Variants in ZC3H4 observed in about 807,000 individuals in gnomAD.
ZC3H4 encodes zinc finger CCCH domain-containing protein 4.
In ZC3H4, 13 loss-of-function variants were observed where a neutral mutation model predicts 108.3. The ratio of observed to expected loss-of-function variants is 0.12; its 90% CI spans 0.08 to 0.19. The LOEUF (loss-of-function observed/expected upper bound fraction) is 0.19. ZC3H4 is among the 10% of genes least tolerant of loss of function. The pLI is 1.00. For missense variants in ZC3H4, 1,734 were observed against 1,838.8 expected (o/e 0.94, Z 1.04); for synonymous variants, 917 against 749.6 (o/e 1.22, Z -3.65).
intron 13 of ZC3H4, among the ~76,000 whole-genome samples, chr19:47,069,574 G>A (rs982335797): frequency 6.6e-6 from 1 of 152,210 alleles, no homozygotes; most frequent in Non-Finnish European, 1.5e-5. Flanking sequence ...AAACGCTTAT[G>A]AGGTGGAAAC....
chr19:47,110,167 G>GA, intron 2 of ZC3H4, among the ~76,000 whole-genome samples: 1 of 152,166 alleles, frequency 6.6e-6, no homozygotes, highest in Non-Finnish European at 1.5e-5. Context: ...AGAGACATTG[G>GA]AGTAAAATGA....
chr19:47,093,215 CAAAAA>C (rs918382221), intron 4 of ZC3H4, among the ~76,000 whole-genome samples: 1 of 48,414 alleles, frequency 2.1e-5, no homozygotes. Context: ...GACTCTGCCT[CAAAAA>C]AAAAAAAAAA....
At position 47,067,762 on chromosome 19, in the gene ZC3H4, C is replaced by A. The variant is rs1330578669; in HGVS notation, c.2506G>T (p.Val836Phe). 3 of 1,609,606 alleles carry A rather than the reference C, an allele frequency of 1.9e-6. No homozygotes were observed. Among genetic ancestry groups the A allele is most frequent in the Admixed American group, 3.4e-5 (2 of 59,614 alleles). The change falls in exon 15 of 15, where the codon GTT becomes TTT. Residue 836 changes from valine to phenylalanine, a missense_variant. Transcript: ENST00000253048. This position sits in a 1 kb window ranked among gnomAD's most constrained non-coding sequence, Gnocchi z 6.4. Reference protein sequence around the residue: ...QQTSSRPPASVGELSSSGLGD... With the variant: ...QQTSSRPPASFGELSSSGLGD... Reference sequence around the variant, plus strand: ...AGCCCACTGCTGCTCAGCTCCCCAACTGAAGCCGGGGGTCGGCTGGACGTC... The same window carrying A: ...AGCCCACTGCTGCTCAGCTCCCCAAATGAAGCCGGGGGTCGGCTGGACGTC...
At chr19:47,080,208 C>T (rs1056898664) in intron 11 of ZC3H4, among the ~76,000 whole-genome samples, 3 of 152,230 alleles carry the variant, frequency 2.0e-5, no homozygotes, top group Non-Finnish European at 4.4e-5. Context: ...TACCCACTCA[C>T]TCCCCAGATG....
chr19:47,107,657 GAAA>G (rs1157842797), intron 2 of ZC3H4, among the ~76,000 whole-genome samples: 2 of 90,262 alleles, frequency 2.2e-5, no homozygotes, highest in Non-Finnish European at 2.5e-5. Context: ...GTTCTGTTAA[GAAA>G]AAAAAAAAAA....
intron 11 of ZC3H4, among the ~76,000 whole-genome samples, chr19:47,073,415 C>CA (rs898849430): frequency 4.6e-5 from 7 of 151,600 alleles, no homozygotes; most frequent in African/African-American, 7.3e-5. Flanking sequence ...ACTAAAAATA[C>CA]AAAAAAAATA....
intron 2 of ZC3H4, among the ~76,000 whole-genome samples, chr19:47,107,107 G>A (rs2057977393): frequency 6.6e-6 from 1 of 152,168 alleles, no homozygotes; most frequent in Non-Finnish European, 1.5e-5. Flanking sequence ...AAAAGACACT[G>A]AGCAAGCAAG....
intron 11 of ZC3H4, among the ~76,000 whole-genome samples, chr19:47,074,574 G>C (rs1473741335): frequency 6.6e-6 from 1 of 152,198 alleles, no homozygotes; most frequent in Non-Finnish European, 1.5e-5. Context: ...CATTTTGGGA[G>C]GGCTCCCAGC....
At chr19:47,076,787 G>A (rs1251109909) in intron 11 of ZC3H4, among the ~76,000 whole-genome samples, 1 of 152,196 alleles carries the variant, frequency 6.6e-6, no homozygotes, top group African/African-American at 2.4e-5. Context: ...GAGGTCAGGA[G>A]TTCGAGACCA....
intron 2 of ZC3H4, among the ~76,000 whole-genome samples, chr19:47,100,326 C>CTAGGTTCA (rs1249120937): frequency 2.6e-5 from 4 of 152,152 alleles, no homozygotes; most frequent in Admixed American, 2.0e-4. Context: ...TCCTTACTAC[C>CTAGGTTCA]TAGGTTCATC....
chr19:47,072,503 G>T lies in ZC3H4; in HGVS notation c.1651C>A (p.Pro551Thr). 7.1e-7 allele frequency: 1 copy of T among 1,410,078 alleles called. No homozygotes were observed. Among genetic ancestry groups the T allele is most frequent in the Non-Finnish European group, 9.6e-7 (1 of 1,041,070 alleles). The allele number at this position is 1,410,078 out of a possible 1,614,324, so 87.3% of individuals were successfully genotyped here. Residue 551 changes from proline (P) to threonine (T), a missense_variant, in exon 12 of 15, where the codon CCG becomes ACG. By Grantham distance (38) the Pro-to-Thr change is conservative (BLOSUM62 -1). This residue lies in a region of ZC3H4 where 75 missense variants were observed against 85.8 expected (regional missense o/e 0.87). Coordinates refer to ENST00000253048, the MANE Select transcript of ZC3H4 (RefSeq NM_015168.2). This position sits in a 1 kb window ranked among gnomAD's most constrained non-coding sequence, Gnocchi z 5.6. ...PPPPPPPPPP[P>T]PGPPQMPMPV... ...ATGGGCATCTGAGGGGGCCCGGGCG[G>T]TGGGGGAGGGGGAGGGGGCGGGGGC...
rs1195204220 is a variant in ZC3H4 at position 47,067,225 on chromosome 19, C to T, written c.3043G>A (p.Ala1015Thr). ...GCGTTGGGGGGCCCTGCCGTGGCAG[C>T]GCGGTGCAGCCGGGGGTCCAGGGTG... ...MPTLDPRLHRAATAGPPNARQ... is the reference protein window; with the variant it reads ...MPTLDPRLHRTATAGPPNARQ... Residue 1015 changes from alanine to threonine, a missense_variant, in exon 15 of 15, where the codon GCT becomes ACT. Transcript: ENST00000253048. The surrounding 1 kb of genome is among the most constrained non-coding windows in gnomAD (Gnocchi z 6.4). 6.2e-6 allele frequency: 10 copies of T among 1,606,932 alleles called. No homozygotes were observed. Among genetic ancestry groups the T allele is most frequent in the Admixed American group, 1.7e-5 (1 of 58,890 alleles).
rs979293606 is a variant in ZC3H4, at chr19:47,112,115, C to T, written c.161+309G>A. ...GCGCCCCCTCCCCAGGACAGGCGGACGGGCGCGGGGGGTCCGAGGGGCGCC... is the reference window on the plus strand; with the variant it reads ...GCGCCCCCTCCCCAGGACAGGCGGATGGGCGCGGGGGGTCCGAGGGGCGCC... On this transcript the variant is annotated intron_variant, in intron 2 of 14. Coordinates refer to ENST00000253048, the MANE Select transcript of ZC3H4 (RefSeq NM_015168.2). The T allele has an allele frequency of 5.0e-4, 528 of 1,062,942 alleles. No homozygotes were observed. In the African/African-American group the frequency reaches 8.2e-3, roughly 16 times the overall value. 65.8% of individuals were successfully genotyped at this position (1,062,942 alleles called of 1,614,324 possible).
chr19:47,101,512 A>G (rs1373173193), intron 2 of ZC3H4, among the ~76,000 whole-genome samples: 1 of 152,116 alleles, frequency 6.6e-6, no homozygotes. Flanking sequence ...TAGAGGCATG[A>G]GCCATTGCAC....
chr19:47,099,342 C>G (rs2057870711), intron 2 of ZC3H4, among the ~76,000 whole-genome samples: 1 of 151,944 alleles, frequency 6.6e-6, no homozygotes, highest in African/African-American at 2.4e-5. Context: ...GCCTGTAAAC[C>G]CAGCTACTCG....
intron 6 of ZC3H4, among the ~76,000 whole-genome samples, chr19:47,085,825 C>T (rs1320428794): frequency 6.6e-6 from 1 of 152,180 alleles, no homozygotes. Flanking sequence ...AAACTTCTCT[C>T]TAGTGATGGG....
At chr19:47,110,814 C>T (rs2058029264) in intron 2 of ZC3H4, 2 of 744,560 alleles carry the variant, frequency 2.7e-6, no homozygotes, top group African/African-American at 1.9e-5. Context: ...GAACTGGAGT[C>T]GGGCTGCGAT....
At position 47,067,602 on chromosome 19, in the gene ZC3H4, T is replaced by C. The variant is rs566908985; in HGVS notation, c.2666A>G (p.Asp889Gly). The change falls in exon 15 of 15, where the codon GAT (aspartate) becomes GGT (glycine). Residue 889 changes from aspartate to glycine, a missense_variant. This residue lies in a region of ZC3H4 where 540 missense variants were observed against 484.1 expected (regional missense o/e 1.12). Coordinates refer to ENST00000253048, the MANE Select transcript of ZC3H4 (RefSeq NM_015168.2). The surrounding 1 kb of genome is among the most constrained non-coding windows in gnomAD (Gnocchi z 6.4). Reference protein sequence around the residue: ...GSGPGDSGPSDPRLARALPTS... With the variant: ...GSGPGDSGPSGPRLARALPTS... ...GGGCAGGGCGCGAGCCAGCCGAGGA[T>C]CGGAGGGTCCCGAATCACCTGGGCC... 2.6e-5 allele frequency: 41 copies of C among 1,606,144 alleles called. No homozygotes were observed. The highest frequency in any genetic ancestry group is 1.7e-4 in the Middle Eastern group (1 of 6,054).
At chr19:47,113,322 A>C (rs2058064578) in intron 1 of ZC3H4, 1 of 153,390 alleles carries the variant, frequency 6.5e-6, no homozygotes. Flanking sequence ...AGGAGCGAGG[A>C]GGCGACGGGG....
Sources: gnomAD v4.1 joint callset for allele counts (sites outside exome capture counted in the v4.1 genomes callset) on GRCh38, gnomAD v4.1.1 for gene constraint, gnomAD v4.1.1 regional missense constraint, Gnocchi (gnomAD v3.1) non-coding constraint, MANE v1.5 for transcripts, NCBI Gene and HGNC (gene_info 2026-07-23, HGNC 2026-07-21) for gene names.